The following CNTNAP2 variants were observed in gnomAD, a reference collection of about 807,000 sequenced individuals.
The protein encoded by CNTNAP2 is contactin-associated protein-like 2.
In CNTNAP2, 98 loss-of-function variants were observed where a neutral mutation model predicts 155.2. The ratio of observed to expected loss-of-function variants is 0.63; its 90% confidence interval spans 0.54 to 0.75. The LOEUF is 0.75. CNTNAP2 is among the 30% of genes least tolerant of loss of function. The probability of loss-of-function intolerance (pLI) is 0.00; values close to 1 mark genes in which losing one functional copy is unlikely to be tolerated. For synonymous variants in CNTNAP2, 651 were observed against 631.2 expected (o/e 1.03, Z -0.47); for missense variants, 1,727 against 1,688.1 (o/e 1.02, Z -0.40).
chr7:146,432,454 T>C (rs1272235256), intron 1 of CNTNAP2, among the ~76,000 whole-genome samples: 1 of 152,114 alleles, frequency 6.6e-6, no homozygotes, highest in Non-Finnish European at 1.5e-5. Flanking sequence ...TTCTTCTAAA[T>C]ATAAATTCTC....
chr7:146,594,701 ATTACCAATCCTCTGTAATT>A (rs1798833132), intron 1 of CNTNAP2, among the ~76,000 whole-genome samples: 1 of 152,092 alleles, frequency 6.6e-6, no homozygotes, highest in Non-Finnish European at 1.5e-5. Flanking sequence ...TTAAAAATAA[ATTACCAATCCTCTGTAATT>A]TTGCGTCCTC....
chr7:148,208,955 C>T (rs1795498624), intron 18 of CNTNAP2, among the ~76,000 whole-genome samples: 1 of 152,160 alleles, frequency 6.6e-6, no homozygotes, highest in African/African-American at 2.4e-5. Context: ...TCTCAGGGCC[C>T]TCCTGTCTTC....
At chr7:146,146,173 C>T (rs954503110) in intron 1 of CNTNAP2, among the ~76,000 whole-genome samples, 6 of 151,936 alleles carry the variant, frequency 3.9e-5, no homozygotes, top group African/African-American at 1.2e-4. Context: ...AACTTAATAT[C>T]GTGGATTTTA....
At chr7:148,114,903 G>T (rs1804433310) in intron 15 of CNTNAP2, among the ~76,000 whole-genome samples, 1 of 152,202 alleles carries the variant, frequency 6.6e-6, no homozygotes, top group African/African-American at 2.4e-5. Context: ...GGCACCTCCT[G>T]AGCCGCACTC....
At chr7:146,206,158 CT>C (rs1798943346) in intron 1 of CNTNAP2, among the ~76,000 whole-genome samples, 1 of 151,896 alleles carries the variant, frequency 6.6e-6, no homozygotes, top group Non-Finnish European at 1.5e-5. Context: ...TCAATCATAG[CT>C]GTTAAAACTA....
At chr7:146,652,524 T>C (rs1014993439) in intron 1 of CNTNAP2, among the ~76,000 whole-genome samples, 1 of 152,136 alleles carries the variant, frequency 6.6e-6, no homozygotes, top group African/African-American at 2.4e-5. Context: ...CACTGAAAAA[T>C]TTTACTGTCA....
chr7:146,506,486 G>C (rs1563111613), intron 1 of CNTNAP2, among the ~76,000 whole-genome samples: 1 of 152,180 alleles, frequency 6.6e-6, no homozygotes, highest in Admixed American at 6.5e-5. Context: ...TCTCGTGTAG[G>C]TGCTGACTCC....
At chr7:146,803,129 T>C (rs2129191962) in intron 2 of CNTNAP2, among the ~76,000 whole-genome samples, 2 of 152,198 alleles carry the variant, frequency 1.3e-5, no homozygotes, top group Middle Eastern at 6.8e-3. Context: ...TTGTTAGACT[T>C]GAGGAGGTCA....
intron 10 of CNTNAP2, among the ~76,000 whole-genome samples, chr7:147,446,981 A>G (rs192779287): frequency 2.4e-4 from 36 of 152,316 alleles, no homozygotes; most frequent in South Asian, 1.7e-3. Context: ...CTTGCAGACT[A>G]TGGTAATATT....
chr7:146,677,870 C>T (rs1048348044), intron 1 of CNTNAP2, among the ~76,000 whole-genome samples: 15 of 151,878 alleles, frequency 9.9e-5, no homozygotes, highest in East Asian at 3.9e-4. Context: ...TGCCCCCAGA[C>T]GTGGGTGCAG....
intron 1 of CNTNAP2, among the ~76,000 whole-genome samples, chr7:146,118,486 G>T (rs576795524): frequency 2.6e-5 from 4 of 151,968 alleles, no homozygotes; most frequent in Non-Finnish European, 5.9e-5. Context: ...CCATTTCAAG[G>T]TCTGGTTGTA....
Position 147,071,305 on chromosome 7 carries a change from G to A in CNTNAP2, c.550+27251G>A, listed in dbSNP as rs183599479. Reference sequence around the variant, plus strand: ...ACTTTTAAAGTTATTCAGCTAACAGGTATAAAGCAGATTATCCTGCAAAAA... The same window carrying A: ...ACTTTTAAAGTTATTCAGCTAACAGATATAAAGCAGATTATCCTGCAAAAA... On this transcript the variant is annotated intron_variant, in intron 4 of 23. Transcript: ENST00000361727. 6.5e-3 allele frequency among the ~76,000 whole-genome samples: 968 copies of A among 147,792 alleles called. 7 individuals carry two copies. Among genetic ancestry groups the A allele is most frequent in the Non-Finnish European group, 0.01 (680 of 67,652 alleles).
intron 4 of CNTNAP2, among the ~76,000 whole-genome samples, chr7:147,086,379 C>T (rs1443582000): frequency 2.0e-5 from 3 of 151,692 alleles, no homozygotes; most frequent in Admixed American, 2.0e-4. Context: ...TTGATACATC[C>T]ACAGAAAATA....
chr7:148,308,151 A>G (rs6953901), intron 21 of CNTNAP2, among the ~76,000 whole-genome samples: 11,518 of 152,188 alleles, frequency 0.076, 751 homozygotes, highest in Admixed American at 0.2. Context: ...ATGTTTTAAT[A>G]CTAGGTTTTT....
chr7:147,210,555 A>G (rs1477067666), intron 8 of CNTNAP2, among the ~76,000 whole-genome samples: 9 of 151,718 alleles, frequency 5.9e-5, no homozygotes. Flanking sequence ...ACTTAATTTC[A>G]TTGATTCTTT....
At chr7:146,725,987 C>G (rs1432687279) in intron 1 of CNTNAP2, among the ~76,000 whole-genome samples, 1 of 152,154 alleles carries the variant, frequency 6.6e-6, no homozygotes, top group Non-Finnish European at 1.5e-5. Flanking sequence ...TAAATTGGCT[C>G]TATTTGGGCA....
intron 12 of CNTNAP2, among the ~76,000 whole-genome samples, chr7:147,580,998 G>A (rs1365765224): frequency 6.6e-6 from 1 of 152,154 alleles, no homozygotes; most frequent in African/African-American, 2.4e-5. Flanking sequence ...TAAAGTTCTA[G>A]AATTTCTCCA....
chr7:147,341,623 G>C (rs1206602892), intron 9 of CNTNAP2, among the ~76,000 whole-genome samples: 3 of 151,930 alleles, frequency 2.0e-5, no homozygotes, highest in Non-Finnish European at 4.4e-5. Context: ...GATATGAGCT[G>C]AGACTTTTAT....
intron 12 of CNTNAP2, among the ~76,000 whole-genome samples, chr7:147,624,227 A>C (rs1307276188): frequency 6.6e-6 from 1 of 152,150 alleles, no homozygotes; most frequent in Non-Finnish European, 1.5e-5. Context: ...CCACACAAGC[A>C]TAGGCAACCA....
Sources: gnomAD v4.1 joint callset for allele counts (sites outside exome capture counted in the v4.1 genomes callset) on GRCh38, gnomAD v4.1.1 for gene constraint, MANE v1.5 for transcripts, NCBI Gene and HGNC (gene_info 2026-07-23, HGNC 2026-07-21) for gene names.